The following UBE2H variants were observed in gnomAD, a reference collection of about 807,000 sequenced individuals.
UBE2H encodes ubiquitin conjugating enzyme E2 H, also known as ubiquitin-conjugating enzyme E2 H.
A neutral mutation model predicts 29.0 loss-of-function variants in UBE2H; 3 were observed. The observed-to-expected ratio is 0.10, with a 90% confidence interval of 0.05 to 0.27. The LOEUF (loss-of-function observed/expected upper bound fraction) is 0.27, where lower values mean the gene tolerates loss of function less well. Among genes scored for constraint, UBE2H ranks in the 10% least tolerant of loss-of-function variants. The pLI is 1.00. For synonymous variants in UBE2H, 69 were observed against 82.9 expected, an observed-to-expected ratio of 0.83 and a Z score of 0.91; for missense variants, 68 against 228.2, an observed-to-expected ratio of 0.30 and a Z score of 4.52.
chr7:129,949,116 G>T (rs538900321), intron 1 of UBE2H: 46 of 445,066 alleles, frequency 1.0e-4, no homozygotes, highest in South Asian at 7.2e-4. Flanking sequence ...GTTCACAGAT[G>T]AAAGGATCAC....
intron 1 of UBE2H, among the ~76,000 whole-genome samples, chr7:129,918,585 C>A (rs565616903): frequency 6.6e-6 from 1 of 151,908 alleles, no homozygotes; most frequent in African/African-American, 2.4e-5. Context: ...CTCAAGTGCC[C>A]GGCCCCAAAA....
intron 1 of UBE2H, among the ~76,000 whole-genome samples, chr7:129,948,048 C>T (rs183028440): frequency 7.5e-4 from 114 of 152,200 alleles, no homozygotes; most frequent in African/African-American, 2.6e-3. Flanking sequence ...CAAGTACATA[C>T]GGGGTTTTGC....
chr7:129,944,764 G>GCA (rs879250116), intron 1 of UBE2H, among the ~76,000 whole-genome samples: 1 of 146,692 alleles, frequency 6.8e-6, no homozygotes. Context: ...ACGCACGCAC[G>GCA]CGCATGCGCA....
chr7:129,952,470 C>A, intron 1 of UBE2H, 33 bp downstream of exon 1: 1 of 1,608,408 alleles, frequency 6.2e-7, no homozygotes, highest in Non-Finnish European at 8.5e-7. Flanking sequence ...CCGCCCCCCA[C>A]ACACAGCCCG....
intron 5 of UBE2H, among the ~76,000 whole-genome samples, chr7:129,849,802 C>G (rs1805576553): frequency 6.6e-6 from 1 of 151,980 alleles, no homozygotes; most frequent in South Asian, 2.1e-4. Flanking sequence ...TAACCCGCCA[C>G]CAAATACTAA....
chr7:129,840,910 G>A (rs1050639923), intron 5 of UBE2H, among the ~76,000 whole-genome samples: 2 of 152,202 alleles, frequency 1.3e-5, no homozygotes, highest in African/African-American at 4.8e-5. Flanking sequence ...GTGGTTCTCA[G>A]CCAAGGGTGA....
intron 1 of UBE2H, among the ~76,000 whole-genome samples, chr7:129,890,275 G>GTATA (rs201263387): frequency 3.3e-5 from 5 of 150,310 alleles, no homozygotes; most frequent in Non-Finnish European, 5.9e-5. Context: ...ATATACACAC[G>GTATA]TATATATATA....
chr7:129,910,000 T>A (rs1021832316), intron 1 of UBE2H, among the ~76,000 whole-genome samples: 1 of 151,816 alleles, frequency 6.6e-6, no homozygotes, highest in Admixed American at 6.6e-5. Context: ...AAGGAAGGCT[T>A]TGAGTAAGAT....
At chr7:129,947,474 A>G (rs1021579472) in intron 1 of UBE2H, among the ~76,000 whole-genome samples, 6 of 152,224 alleles carry the variant, frequency 3.9e-5, no homozygotes, top group Admixed American at 3.9e-4. Context: ...TTTGAACACA[A>G]ATTAAAGAGT....
intron 1 of UBE2H, among the ~76,000 whole-genome samples, chr7:129,915,883 A>T (rs1235854563): frequency 1.3e-5 from 2 of 152,214 alleles, no homozygotes; most frequent in Non-Finnish European, 2.9e-5. Context: ...TCTTTCAATC[A>T]TCAGTTCAGA....
chr7:129,887,015 C>T (rs999793169), intron 1 of UBE2H, among the ~76,000 whole-genome samples: 3 of 151,968 alleles, frequency 2.0e-5, no homozygotes, highest in Non-Finnish European at 4.4e-5. Context: ...TGTTAATGAT[C>T]GAGTCCCAGC....
At position 129,867,726 on chromosome 7, in the gene UBE2H, A is replaced by C. The variant is rs1254393418; in HGVS notation, c.206-8785T>G. On this transcript the variant is annotated intron_variant, in intron 3 of 6. Transcript: ENST00000355621. ...AAAAAAAAAAAAAAAAAGAAAACCAAAAAAAAAAAAAAAAAAGAAGACCAT... is the reference window on the plus strand; with the variant it reads ...AAAAAAAAAAAAAAAAAGAAAACCACAAAAAAAAAAAAAAAAGAAGACCAT... Among the ~76,000 whole-genome samples, 38 of 106,042 alleles carry C rather than the reference A, an allele frequency of 3.6e-4. 1 individual carries two copies. In the East Asian group the frequency reaches 3.8e-3, roughly 11 times the overall value. The allele number at this position is 106,042 out of a possible 152,430, so 69.6% of individuals were successfully genotyped here. A position where few individuals can be genotyped will look rare whatever the true frequency, so the allele number is the denominator to read the frequency against.
intron 1 of UBE2H, among the ~76,000 whole-genome samples, chr7:129,921,318 T>C (rs1261328703): frequency 6.6e-6 from 1 of 152,174 alleles, no homozygotes; most frequent in East Asian, 1.9e-4. Flanking sequence ...ATTGGTGCAA[T>C]CATAGCTCAC....
rs1262400108 is a variant in UBE2H, at chr7:129,831,154, G to A, written c.*3783C>T. 1 of 152,052 alleles carries A rather than the reference G, an allele frequency of 6.6e-6. No individual in the cohort carries two copies. The highest frequency in any genetic ancestry group is 1.5e-5 in the Non-Finnish European group (1 of 68,008). 9.4% of individuals were successfully genotyped at this position (152,052 alleles called of 1,614,324 possible). A position where few individuals can be genotyped will look rare whatever the true frequency, so the allele number is the denominator to read the frequency against. The stretch of plus-strand genomic sequence containing the variant: ...TCATCCCATCCCTAACAGAATCGCC[G>A]AGGTGTTCACGGGCCAGAGAAAGCA... On this transcript the variant is annotated 3_prime_UTR_variant, in exon 7 of 7. Coordinates refer to ENST00000355621, the MANE Select transcript of UBE2H (RefSeq NM_003344.4).
intron 1 of UBE2H, among the ~76,000 whole-genome samples, chr7:129,916,861 C>A (rs1421607228): frequency 1.3e-5 from 2 of 152,084 alleles, no homozygotes; most frequent in Non-Finnish European, 2.9e-5. Context: ...CACGGTGAAA[C>A]CCCATCTCTA....
At chr7:129,939,256 A>G (rs563058142) in intron 1 of UBE2H, among the ~76,000 whole-genome samples, 1 of 152,320 alleles carries the variant, frequency 6.6e-6, no homozygotes, top group East Asian at 1.9e-4. Context: ...GTCATTGTAC[A>G]CTACAGCCTT....
intron 3 of UBE2H, among the ~76,000 whole-genome samples, chr7:129,874,353 AGGCTGGAGTGCAGT>A (rs1276699424): frequency 1.1e-3 from 168 of 149,660 alleles, no homozygotes; most frequent in African/African-American, 3.7e-3. Context: ...TCTGTTGCCC[AGGCTGGAGTGCAGT>A]GGCACGATCT....
rs909519674 is a variant in UBE2H, at chr7:129,932,642, T to C, written c.53+19861A>G. The stretch of plus-strand genomic sequence containing the variant: ...ACAAAAAATTAGCCGGGCGTGGTGG[T>C]GGGCACCTGTAGTCCCAGCTACTCG... On this transcript the variant is annotated intron_variant, in intron 1 of 6. Coordinates refer to ENST00000355621, the MANE Select transcript of UBE2H (RefSeq NM_003344.4). Among the ~76,000 whole-genome samples, 8 of 151,530 alleles carry C rather than the reference T, an allele frequency of 5.3e-5. No homozygotes were observed. In the East Asian group the frequency reaches 1.4e-3, roughly 26 times the overall value.
At chr7:129,940,366 T>A (rs929646406) in intron 1 of UBE2H, among the ~76,000 whole-genome samples, 1 of 152,210 alleles carries the variant, frequency 6.6e-6, no homozygotes. Flanking sequence ...CATTCTCAAT[T>A]AATTGATATC....
Sources: allele counts gnomAD v4.1 joint callset (sites outside exome capture counted in the v4.1 genomes callset), GRCh38; gene constraint gnomAD v4.1.1; transcripts MANE v1.5; gene names NCBI Gene and HGNC (gene_info 2026-07-23, HGNC 2026-07-21).